Variants in SF1 observed in about 807,000 individuals in gnomAD.
SF1 encodes the protein branch point-binding protein.
SF1 carries 7 observed loss-of-function variants against 62.5 expected under a neutral mutation model. The observed-to-expected ratio is 0.11, with a 90% CI of 0.06 to 0.21. The LOEUF (loss-of-function observed/expected upper bound fraction) is 0.21. Among genes scored for constraint, SF1 ranks in the 10% least tolerant of loss-of-function variants. The pLI is 1.00. For synonymous variants in SF1, 394 were observed against 323.6 expected (o/e 1.22, Z -2.33); for missense variants, 578 against 884.0 (o/e 0.65, Z 4.39).
intron 2 of SF1, among the ~76,000 whole-genome samples, chr11:64,774,647 T>C (rs937439573): frequency 2.0e-5 from 3 of 151,972 alleles, no homozygotes; most frequent in African/African-American, 7.3e-5. Flanking sequence ...CCTGAAGAAA[T>C]GAAAACCCAT....
At chr11:64,766,201 G>A (rs753399771) in intron 12 of SF1, 46 bp from the exon 13 acceptor site, 10 of 1,505,978 alleles carry the variant, frequency 6.6e-6, no homozygotes, top group South Asian at 3.4e-5. Flanking sequence ...GGGGCACACC[G>A]CGGCTGTCTG....
intron 1 of SF1, 197 bp downstream of exon 1, chr11:64,778,138 CGGCGGCGGCTGCTGGGGAGGCGGAGGG>C (rs1342755639): frequency 5.2e-6 from 4 of 768,330 alleles, no homozygotes; most frequent in East Asian, 8.7e-5. Context: ...GCGGTGGAGG[CGGCGGCGGCTGCTGGGGAGGCGGAGGG>C]GGCGGCGGCG....
chr11:64,773,989 A>G (rs757229144), intron 2 of SF1, among the ~76,000 whole-genome samples: 3 of 152,244 alleles, frequency 2.0e-5, no homozygotes, highest in Non-Finnish European at 2.9e-5. Context: ...AAAAATACCA[A>G]TTGAGCAAAG....
At position 64,766,012 on chromosome 11, in the gene SF1, G is replaced by A; in HGVS notation, c.1726C>T (p.Pro576Ser). 2 of 1,607,692 alleles carry A rather than the reference G, an allele frequency of 1.2e-6. No homozygotes were observed. Among genetic ancestry groups the A allele is most frequent in the Non-Finnish European group, 1.7e-6 (2 of 1,177,750 alleles). ...GGGGGAGGGGCCCCAGGCGGCAGAG[G>A]CGGCTGGACCCCGGGGGGCAGGGGC... The part of the protein sequence containing the change: ...MVPLPPGVQP[P>S]LPPGAPPPPP... The change falls in exon 13 of 13, where the codon CCT becomes TCT. Residue 576 changes from proline (P) to serine (S), a missense_variant. By Grantham distance (74) the Pro-to-Ser change is moderately conservative. Around this residue, in one of 7 missense-constraint regions of SF1, gnomAD observed 410 missense variants for 452.4 expected, o/e 0.91. Coordinates refer to ENST00000377390, the MANE Select transcript of SF1 (RefSeq NM_004630.4).
At chr11:64,771,797 A>C (rs1938366110) in intron 3 of SF1, 2 of 985,194 alleles carry the variant, frequency 2.0e-6, no homozygotes, top group South Asian at 9.4e-5. Flanking sequence ...AAAGTGGCTT[A>C]AGTGATATAA....
chr11:64,767,816 G>A lies in SF1; in HGVS notation c.1097C>T (p.Pro366Leu), dbSNP rs1937604179. ...TGAAGGGCCAGAATTCATCCAGGGTGGGCGGCTCTGGGTGGTAGACATGAG... is the reference window on the plus strand; with the variant it reads ...TGAAGGGCCAGAATTCATCCAGGGTAGGCGGCTCTGGGTGGTAGACATGAG... Reference protein sequence around the residue: ...PSLMSTTQSRPPWMNSGPSES... With the variant: ...PSLMSTTQSRLPWMNSGPSES... The change falls in exon 10 of 13, where the codon CCA becomes CTA. Residue 366 changes from proline to leucine, a missense_variant. By Grantham distance (98) the Pro-to-Leu change is moderately conservative (BLOSUM62 -3). Transcript: ENST00000377390. The A allele has an allele frequency of 6.2e-7, 1 of 1,613,722 alleles. No homozygotes were observed. The highest frequency in any genetic ancestry group is 8.5e-7 in the Non-Finnish European group (1 of 1,179,790).
chr11:64,767,713 T>G lies in SF1; in HGVS notation c.1200A>C (p.Pro400=). ...PGGGPHSFPH[P]LPSLTGGHGG... is the part of the protein sequence containing the mutation. Reference sequence around the variant, plus strand: ...CATGCCCACCTGTCAGGCTGGGTAATGGGTGTGGGAAGCTGTGGGGGCCAC... The same window carrying G: ...CATGCCCACCTGTCAGGCTGGGTAAGGGGTGTGGGAAGCTGTGGGGGCCAC... The change falls in exon 10 of 13, where the codon CCA becomes CCC. Residue 400 remains proline, a synonymous_variant. Coordinates refer to ENST00000377390, the MANE Select transcript of SF1 (RefSeq NM_004630.4). 3 of 1,612,398 alleles carry G rather than the reference T, an allele frequency of 1.9e-6. No individual in the cohort carries two copies. Among genetic ancestry groups the G allele is most frequent in the African/African-American group, 1.3e-5 (1 of 74,898 alleles).
intron 12 of SF1, chr11:64,766,461 A>G (rs950561299): frequency 4.2e-6 from 2 of 476,000 alleles, no homozygotes; most frequent in Admixed American, 3.9e-5. Flanking sequence ...CGCCGCCACC[A>G]CCGAACGGCA....
chr11:64,776,719 A>T (rs112101029), intron 1 of SF1, 93 bp from the exon 2 acceptor site: 1 of 1,219,464 alleles, frequency 8.2e-7, no homozygotes, highest in Non-Finnish European at 1.2e-6. Context: ...GAAACTCAGC[A>T]GACTGTGAAG....
At position 64,765,229 on chromosome 11, in the gene SF1, G is replaced by C. The variant is rs557674776; in HGVS notation, c.*589C>G. The C allele has an allele frequency of 2.2e-6, 1 of 461,422 alleles. No individual in the cohort carries two copies. Among genetic ancestry groups the C allele is most frequent in the Non-Finnish European group, 3.9e-6 (1 of 257,554 alleles). The allele number at this position is 461,422 out of a possible 1,614,324, so 28.6% of individuals were successfully genotyped here. A position where few individuals can be genotyped will look rare whatever the true frequency, so the allele number is the denominator to read the frequency against. On this transcript the variant is annotated 3_prime_UTR_variant, in exon 13 of 13. Transcript: ENST00000377390. ...AAGGGAAGGAGAACTGGAGAGAAGG[G>C]AAAGGAATCTAAATTGCAGCAGAAG...
intron 1 of SF1, chr11:64,777,406 C>G: frequency 1.4e-6 from 1 of 718,454 alleles, no homozygotes; most frequent in Non-Finnish European, 1.7e-6. Context: ...TCTAAACATA[C>G]TGAACAGATT....
intron 1 of SF1, chr11:64,777,698 A>ACAG (rs1376193771): frequency 1.0e-6 from 1 of 985,482 alleles, no homozygotes; most frequent in African/African-American, 1.7e-5. Context: ...AGCGGACTGG[A>ACAG]CAGCAATAGT....
chr11:64,777,689 G>A (rs1939540149), intron 1 of SF1: 25 of 985,608 alleles, frequency 2.5e-5, no homozygotes, highest in Non-Finnish European at 3.0e-5. Flanking sequence ...CCCGACACCA[G>A]CGGACTGGAC....
intron 8 of SF1, 67 bp downstream of exon 8, chr11:64,768,955 G>GA: frequency 9.9e-7 from 1 of 1,009,006 alleles, no homozygotes; most frequent in South Asian, 1.3e-5. Flanking sequence ...AGCAACCAAT[G>GA]AATGTGCCAG....
At chr11:64,771,366 A>G (rs566713418) in intron 3 of SF1, 2 of 738,372 alleles carry the variant, frequency 2.7e-6, no homozygotes, top group South Asian at 1.2e-4. Context: ...ATAGCTTGAT[A>G]TTCTGAATGA....
intron 1 of SF1, among the ~76,000 whole-genome samples, chr11:64,777,300 T>G (rs1592534982): frequency 6.6e-6 from 1 of 152,110 alleles, no homozygotes; most frequent in Non-Finnish European, 1.5e-5. Context: ...ACTCCCTACA[T>G]TTGCCACAAA....
In SF1 at chr11:64,778,016, T is replaced by C. The variant is rs1939647680; in HGVS notation, c.31+346A>G. The stretch of plus-strand genomic sequence containing the variant: ...TCCGCCGCCGGCCGGGCCCGGCTGC[T>C]GGTCCTTACGCGGCGGCTGGGGTGG... On this transcript the variant is annotated intron_variant, in intron 1 of 12. Coordinates refer to ENST00000377390, the MANE Select transcript of SF1 (RefSeq NM_004630.4). The C allele has an allele frequency of 2.2e-5, 22 of 1,003,676 alleles. No individual in the cohort carries two copies. In the South Asian group the frequency reaches 2.2e-4, roughly 10 times the overall value. The allele number at this position is 1,003,676 out of a possible 1,614,324, so 62.2% of individuals were successfully genotyped here.
Position 64,772,717 on chromosome 11 carries a change from C to T in SF1, c.236+713G>A. Reference sequence around the variant, plus strand: ...TCCAGTTTAAAAAAGTTCATCTCCCCCACACAATTTATTTTTCTGAGGTGA... The same window carrying T: ...TCCAGTTTAAAAAAGTTCATCTCCCTCACACAATTTATTTTTCTGAGGTGA... On this transcript the variant is annotated intron_variant, in intron 3 of 12. Transcript: ENST00000377390. 5.1e-6 allele frequency: 5 copies of T among 985,356 alleles called. No individual in the cohort carries two copies. The South Asian group carries it at 1.9e-4, about 37-fold the overall frequency. 61.0% of individuals were successfully genotyped at this position (985,356 alleles called of 1,614,324 possible).
At position 64,769,057 on chromosome 11, in the gene SF1, C is replaced by T. The variant is rs753071993; in HGVS notation, c.852G>A (p.Gly284=). The change falls in exon 8 of 13, where the codon GGG becomes GGA. Residue 284 remains glycine (G), a synonymous_variant. Coordinates refer to ENST00000377390, the MANE Select transcript of SF1 (RefSeq NM_004630.4). ...TACAGTCTGAAGCAATGTGGCCAGC[C>T]CCTCCACACTTGGTACACACTGTGG... The part of the protein sequence containing the change: ...TNTTVCTKCG[G]AGHIASDCKF... The T allele has an allele frequency of 4.3e-6, 7 of 1,613,902 alleles. No individual in the cohort carries two copies. The highest frequency in any genetic ancestry group is 1.7e-5 in the Admixed American group (1 of 60,010).
Sources: gnomAD v4.1 joint callset for allele counts (sites outside exome capture counted in the v4.1 genomes callset) on GRCh38, gnomAD v4.1.1 for gene constraint, gnomAD v4.1.1 regional missense constraint, MANE v1.5 for transcripts, NCBI Gene and HGNC (gene_info 2026-07-23, HGNC 2026-07-21) for gene names.